MALRD1: variants seen among roughly 807,000 people sequenced by gnomAD.
The protein encoded by MALRD1 is MAM and LDL receptor class A domain containing 1, also known as MAM and LDL-receptor class A domain-containing protein 1.
In MALRD1, 247 loss-of-function variants were observed where a neutral mutation model predicts 242.1. That is an observed-to-expected ratio of 1.02 (90% CI 0.92 to 1.13). MALRD1 has a LOEUF of 1.13. Among genes scored for constraint, MALRD1 ranks in the 50% most tolerant of loss-of-function variants. The pLI is 0.00. For synonymous variants in MALRD1, 995 were observed against 866.6 expected, an observed-to-expected ratio of 1.15 and a Z score of -2.60; for missense variants, 2,989 against 2,533.1, an observed-to-expected ratio of 1.18 and a Z score of -3.86.
intron 25 of MALRD1, 111 bp from the exon 26 acceptor site, chr10:19,351,895 T>G: frequency 9.7e-7 from 1 of 1,031,548 alleles, no homozygotes; most frequent in Non-Finnish European, 1.4e-6. Flanking sequence ...AGGTGTAATT[T>G]TCCTCCAGAA....
In MALRD1 at chr10:19,479,155, A is replaced by G. The variant is rs750242686; in HGVS notation, c.5030-12362A>G. Among the ~76,000 whole-genome samples the G allele has an allele frequency of 1.4e-4, 22 of 152,232 alleles. 1 individual carries two copies. Among genetic ancestry groups the G allele is most frequent in the Non-Finnish European group, 2.9e-4 (20 of 68,036 alleles). The stretch of plus-strand genomic sequence containing the variant: ...TAGTATTGAGTATATAGTGATGATT[A>G]TAATACAGTTTCTTCCTTTAAGGAT... On this transcript the variant is annotated intron_variant, in intron 29 of 39. Transcript: ENST00000454679.
intron 1 of MALRD1, among the ~76,000 whole-genome samples, chr10:19,064,581 T>A (rs1564368989): frequency 6.6e-6 from 1 of 151,772 alleles, no homozygotes; most frequent in Non-Finnish European, 1.5e-5. Context: ...AGAACCCCTG[T>A]TGAGACTATT....
intron 38 of MALRD1, among the ~76,000 whole-genome samples, chr10:19,729,620 GTTCTTGGTTACTT>G (rs1192196310): frequency 7.4e-6 from 1 of 134,296 alleles, no homozygotes; most frequent in Non-Finnish European, 1.6e-5. Flanking sequence ...TGTGTATTTA[GTTCTTGGTTACTT>G]TTTTTTGTTC....
intron 26 of MALRD1, among the ~76,000 whole-genome samples, chr10:19,376,342 C>T (rs990374620): frequency 6.6e-6 from 1 of 152,016 alleles, no homozygotes; most frequent in Non-Finnish European, 1.5e-5. Context: ...TGAGTTCCTG[C>T]TTCTCTGAGG....
Position 19,227,122 on chromosome 10 carries a change from G to A in MALRD1, c.2991+17442G>A, listed in dbSNP as rs190474546. On this transcript the variant is annotated intron_variant, in intron 18 of 39. Transcript: ENST00000454679. ...GGCACAATCCCAATCAAACCTATAG[G>A]CCTTTTTGGAGAAATTACAAAGCTG... Among the ~76,000 whole-genome samples the A allele has an allele frequency of 1.0e-3, 153 of 151,676 alleles. 4 individuals carry two copies. In the South Asian group the frequency reaches 0.014, roughly 13 times the overall value.
At chr10:19,478,664 T>C (rs1284781156) in intron 29 of MALRD1, among the ~76,000 whole-genome samples, 1 of 152,220 alleles carries the variant, frequency 6.6e-6, no homozygotes, top group Admixed American at 6.5e-5. Flanking sequence ...ATACTCCTTA[T>C]TGCTTTGACC....
chr10:19,597,300 T>C (rs910126200), intron 34 of MALRD1, among the ~76,000 whole-genome samples: 1 of 152,242 alleles, frequency 6.6e-6, no homozygotes, highest in Admixed American at 6.5e-5. Flanking sequence ...ATATGATATT[T>C]GGCTTCAAAT....
At chr10:19,686,617 A>C (rs1842593536) in intron 36 of MALRD1, among the ~76,000 whole-genome samples, 2 of 152,234 alleles carry the variant, frequency 1.3e-5, no homozygotes, top group South Asian at 4.2e-4. Flanking sequence ...TATTTTAGAG[A>C]GGCAGCTTAA....
chr10:19,597,705 A>C (rs575675505), intron 34 of MALRD1, among the ~76,000 whole-genome samples: 118 of 152,284 alleles, frequency 7.7e-4, no homozygotes, highest in African/African-American at 2.7e-3. Flanking sequence ...TACATTAGTG[A>C]AGGAGGCTAG....
chr10:19,180,988 A>T (rs551215465), intron 14 of MALRD1, among the ~76,000 whole-genome samples: 3 of 152,216 alleles, frequency 2.0e-5, no homozygotes, highest in African/African-American at 7.2e-5. Flanking sequence ...ATTAATCATC[A>T]GGGAAATACA....
intron 21 of MALRD1, 124 bp from the exon 22 acceptor site, chr10:19,323,825 G>A: frequency 1.3e-6 from 1 of 746,656 alleles, no homozygotes; most frequent in Non-Finnish European, 2.2e-6. Context: ...TAGCCAGGCT[G>A]GTCTCGAACT....
At chr10:19,380,058 T>C (rs1264483159) in intron 26 of MALRD1, among the ~76,000 whole-genome samples, 1 of 149,304 alleles carries the variant, frequency 6.7e-6, no homozygotes, top group African/African-American at 2.5e-5. Context: ...CACTGCAGCC[T>C]CTGCCTCCCA....
intron 13 of MALRD1, among the ~76,000 whole-genome samples, chr10:19,168,093 G>C (rs978970971): frequency 1.3e-5 from 2 of 152,126 alleles, no homozygotes; most frequent in African/African-American, 4.8e-5. Context: ...GGGAATTCCC[G>C]CTTGATCAGA....
chr10:19,638,894 C>A (rs1225604068), intron 36 of MALRD1, among the ~76,000 whole-genome samples: 1 of 151,856 alleles, frequency 6.6e-6, no homozygotes, highest in Non-Finnish European at 1.5e-5. Flanking sequence ...TAATAGGAAG[C>A]TTGTCTTTAT....
rs1159873894 is a variant in MALRD1 at position 19,257,761 on chromosome 10, C to T, written c.3069C>T (p.Thr1023=). The T allele has an allele frequency of 9.2e-6, 14 of 1,529,152 alleles. No homozygotes were observed. Among genetic ancestry groups the T allele is most frequent in the South Asian group, 1.3e-5 (1 of 79,756 alleles). The allele number at this position is 1,529,152 out of a possible 1,614,324, so 94.7% of individuals were successfully genotyped here. ...AIDDLSFMDC[T]LYPGNLPADL... ...ATGATCTGTCATTTATGGACTGCAC[C>T]CTCTACCCTGGTAAGAGAGAACATT... Residue 1023 remains threonine (T), a synonymous_variant, in exon 19 of 40, where the codon ACC becomes ACT. Transcript: ENST00000454679.
At chr10:19,555,281 T>A (rs899925502) in intron 32 of MALRD1, among the ~76,000 whole-genome samples, 1 of 152,024 alleles carries the variant, frequency 6.6e-6, no homozygotes, top group East Asian at 1.9e-4. Flanking sequence ...ACCTTTAACA[T>A]TGGGGATCAC....
chr10:19,372,341 A>C (rs1174937384), intron 26 of MALRD1, among the ~76,000 whole-genome samples: 2 of 152,156 alleles, frequency 1.3e-5, no homozygotes, highest in Admixed American at 1.3e-4. Flanking sequence ...AAAATCAAAA[A>C]TTAGCGTTAT....
At chr10:19,381,879 A>G (rs1845853266) in intron 26 of MALRD1, among the ~76,000 whole-genome samples, 1 of 152,086 alleles carries the variant, frequency 6.6e-6, no homozygotes, top group Non-Finnish European at 1.5e-5. Context: ...TTAATATTAT[A>G]GAACAAAAAG....
At chr10:19,579,933 A>G (rs905006200) in intron 33 of MALRD1, among the ~76,000 whole-genome samples, 5 of 152,236 alleles carry the variant, frequency 3.3e-5, no homozygotes, top group African/African-American at 1.2e-4. Context: ...AATATGAGCT[A>G]GAGCTATCAG....
Sources: gnomAD v4.1 joint callset for allele counts (sites outside exome capture counted in the v4.1 genomes callset) on GRCh38, gnomAD v4.1.1 for gene constraint, MANE v1.5 for transcripts, NCBI Gene and HGNC (gene_info 2026-07-23, HGNC 2026-07-21) for gene names.